WIPF2: variants seen among roughly 807,000 people sequenced by gnomAD.
The protein encoded by WIPF2 is WAS/WASL interacting protein family member 2.
Under a neutral mutation model 38.8 loss-of-function variants are expected in WIPF2, and 23 were observed. The observed-to-expected ratio is 0.59, with a 90% CI of 0.43 to 0.84. The LOEUF is 0.84. Ranked by LOEUF, WIPF2 falls within the 40% of genes least tolerant of loss-of-function variation. The pLI is 0.00. For synonymous variants in WIPF2, 210 were observed against 223.2 expected, an observed-to-expected ratio of 0.94 and a Z score of 0.53; for missense variants, 574 against 580.5, an observed-to-expected ratio of 0.99 and a Z score of 0.11.
chr17:40,219,365 C>CGGT lies in WIPF2; in HGVS notation c.-194_-192dup, dbSNP rs1256373642. On this transcript the variant is annotated 5_prime_UTR_variant, in exon 1 of 8. Transcript: ENST00000323571. ...TCCATTTCCGGGTTGGCAAAAGGGG[C>CGGT]GGTGGCGGCGGCGGCGGCGGCGGCG... 2.5e-6 allele frequency: 1 copy of CGGT among 400,886 alleles called. No individual in the cohort carries two copies. Among genetic ancestry groups the CGGT allele is most frequent in the Non-Finnish European group, 4.7e-6 (1 of 212,412 alleles). The allele number at this position is 400,886 out of a possible 1,614,324, so 24.8% of individuals were successfully genotyped here.
At chr17:40,230,149 G>A (rs557351567) in intron 1 of WIPF2, among the ~76,000 whole-genome samples, 2 of 152,204 alleles carry the variant, frequency 1.3e-5, no homozygotes, top group Non-Finnish European at 2.9e-5. Context: ...ACCAATCTGG[G>A]CAACATAGGG....
chr17:40,229,694 T>C (rs1268919449), intron 1 of WIPF2, among the ~76,000 whole-genome samples: 5 of 152,178 alleles, frequency 3.3e-5, no homozygotes, highest in African/African-American at 1.2e-4. Flanking sequence ...AGTGCTGGGA[T>C]TGTAGGTGTG....
intron 1 of WIPF2, among the ~76,000 whole-genome samples, chr17:40,236,590 G>A (rs2030977832): frequency 6.8e-6 from 1 of 147,108 alleles, no homozygotes. Context: ...ACAGGCATGA[G>A]CTGCCTCACT....
chr17:40,231,682 CAA>C (rs2030745151), intron 1 of WIPF2, among the ~76,000 whole-genome samples: 1 of 152,066 alleles, frequency 6.6e-6, no homozygotes, highest in Non-Finnish European at 1.5e-5. Flanking sequence ...CTTGGCGCCT[CAA>C]AGTGCTGGGA....
At chr17:40,277,206 T>A in intron 7 of WIPF2, 22 bp downstream of exon 7, 639 of 1,405,542 alleles carry the variant, frequency 4.5e-4, no homozygotes, top group Non-Finnish European at 5.8e-4. Context: ...AATAAGAAGG[T>A]TTTTCCATAA....
At chr17:40,259,961 A>C (rs1269202959) in intron 2 of WIPF2, among the ~76,000 whole-genome samples, 2 of 152,182 alleles carry the variant, frequency 1.3e-5, no homozygotes, top group African/African-American at 4.8e-5. Flanking sequence ...AGACTAGCAC[A>C]AAGATAACTA....
chr17:40,266,195 G>A (rs1329476200), intron 5 of WIPF2, among the ~76,000 whole-genome samples: 4 of 141,128 alleles, frequency 2.8e-5, no homozygotes, highest in African/African-American at 1.1e-4. Context: ...CCGAGATCAC[G>A]CCACTGCACT....
intron 5 of WIPF2, among the ~76,000 whole-genome samples, chr17:40,267,496 G>A (rs911501951): frequency 1.3e-5 from 2 of 152,172 alleles, no homozygotes; most frequent in African/African-American, 4.8e-5. Flanking sequence ...ATTAGACTTT[G>A]AGACATACCC....
At chr17:40,228,304 C>T (rs571289476) in intron 1 of WIPF2, among the ~76,000 whole-genome samples, 6 of 152,066 alleles carry the variant, frequency 3.9e-5, no homozygotes, top group South Asian at 2.1e-4. Flanking sequence ...CGTGAGCCAC[C>T]GCGCCCGGCC....
intron 1 of WIPF2, among the ~76,000 whole-genome samples, chr17:40,234,805 G>T (rs1334186293): frequency 6.6e-6 from 1 of 152,148 alleles, no homozygotes; most frequent in African/African-American, 2.4e-5. Context: ...CAGAAAATTA[G>T]AAATGGCTGC....
At chr17:40,262,468 T>C in intron 3 of WIPF2, 57 bp from the exon 4 acceptor site, 1 of 1,404,504 alleles carries the variant, frequency 7.1e-7, no homozygotes, top group Non-Finnish European at 1.0e-6. Context: ...CCTCATGATT[T>C]ACTTGGTCAC....
rs773236746 is a variant in WIPF2 at position 40,264,475 on chromosome 17, T to C, written c.314-15T>C. On this transcript the variant is annotated splice_polypyrimidine_tract_variant and intron_variant, in intron 4 of 7. Transcript: ENST00000323571. The stretch of plus-strand genomic sequence containing the variant: ...GTCCAGCTCTGTTGACCCTGTGTTG[T>C]CTATGTATTTGTAGAGAACCTAGCT... 6.2e-7 allele frequency: 1 copy of C among 1,613,872 alleles called. No individual in the cohort carries two copies. Among genetic ancestry groups the C allele is most frequent in the South Asian group, 1.1e-5 (1 of 91,080 alleles).
At chr17:40,261,595 GC>G (rs956379449) in intron 3 of WIPF2, among the ~76,000 whole-genome samples, 40 of 151,352 alleles carry the variant, frequency 2.6e-4, no homozygotes, top group African/African-American at 9.0e-4. Flanking sequence ...ACTGTGCCTG[GC>G]CCCCCAAACA....
intron 1 of WIPF2, among the ~76,000 whole-genome samples, chr17:40,228,859 T>TC (rs2030614408): frequency 1.3e-5 from 2 of 151,850 alleles, no homozygotes; most frequent in South Asian, 4.2e-4. Context: ...TAAGCAGTCC[T>TC]CCTATCTCGA....
chr17:40,224,118 C>T (rs776428176), intron 1 of WIPF2, among the ~76,000 whole-genome samples: 10 of 151,622 alleles, frequency 6.6e-5, no homozygotes, highest in Admixed American at 2.6e-4. Flanking sequence ...TTGCAACCTA[C>T]AGTGTACCTT....
At chr17:40,220,589 A>ACACACACACACACGTTAGGCGGGAG (rs2030153817) in intron 1 of WIPF2, 1 of 71,676 alleles carries the variant, frequency 1.4e-5, no homozygotes, top group Non-Finnish European at 2.6e-5. Flanking sequence ...ATATATATAT[A>ACACACACACACACGTTAGGCGGGAG]TATATATATA....
chr17:40,262,824 G>C (rs1379821489), intron 4 of WIPF2, among the ~76,000 whole-genome samples, 183 bp downstream of exon 4: 2 of 152,144 alleles, frequency 1.3e-5, no homozygotes, highest in Admixed American at 1.3e-4. Context: ...GATGCAACTT[G>C]GATAAAGAAA....
chr17:40,243,185 C>T (rs1043764776), intron 1 of WIPF2, among the ~76,000 whole-genome samples: 5 of 151,964 alleles, frequency 3.3e-5, no homozygotes, highest in African/African-American at 1.2e-4. Context: ...GGTAGTCTTC[C>T]GAATTTACAT....
Position 40,281,270 on chromosome 17 carries a change from A to C in WIPF2, c.*3045A>C, listed in dbSNP as rs1224171584. The C allele has an allele frequency of 1.3e-5, 2 of 152,070 alleles. No homozygotes were observed. The highest frequency in any genetic ancestry group is 2.9e-5 in the Non-Finnish European group (2 of 67,994). The allele number at this position is 152,070 out of a possible 1,614,324, so 9.4% of individuals were successfully genotyped here. A position where few individuals can be genotyped will look rare whatever the true frequency, so the allele number is the denominator to read the frequency against. On this transcript the variant is annotated 3_prime_UTR_variant, in exon 8 of 8. Transcript: ENST00000323571. ...GCCCTTCTATGGGTTTGGTTTTGTGATGTTTTTCCCTAATGGGAAAAACGT... is the reference window on the plus strand; with the variant it reads ...GCCCTTCTATGGGTTTGGTTTTGTGCTGTTTTTCCCTAATGGGAAAAACGT...
Sources: gnomAD v4.1 joint callset for allele counts (sites outside exome capture counted in the v4.1 genomes callset) on GRCh38, gnomAD v4.1.1 for gene constraint, MANE v1.5 for transcripts, NCBI Gene and HGNC (gene_info 2026-07-23, HGNC 2026-07-21) for gene names.